Variants in ADGRL3 observed in about 807,000 individuals in gnomAD.
ADGRL3 encodes adhesion G protein-coupled receptor L3.
In ADGRL3, 62 loss-of-function variants were observed where a neutral mutation model predicts 153.5. The observed-to-expected ratio is 0.40, with a 90% CI of 0.33 to 0.50. ADGRL3 has a LOEUF of 0.50. ADGRL3 is among the 20% of genes least tolerant of loss of function. The pLI is 0.47. For synonymous variants in ADGRL3, 710 were observed against 672.5 expected (o/e 1.06, Z -0.86); for missense variants, 1,641 against 1,859.4 (o/e 0.88, Z 2.16).
chr4:61,523,958 A>G (rs1033490502), intron 4 of ADGRL3, among the ~76,000 whole-genome samples: 2 of 152,132 alleles, frequency 1.3e-5, no homozygotes, highest in African/African-American at 2.4e-5. Flanking sequence ...AGTGCTCAAA[A>G]CATTTTGGTT....
chr4:61,392,600 C>T (rs1197300707), intron 2 of ADGRL3, among the ~76,000 whole-genome samples: 2 of 145,296 alleles, frequency 1.4e-5, no homozygotes, highest in Middle Eastern at 3.8e-3. Flanking sequence ...GCAGGAGAAT[C>T]GCTTGAACCC....
intron 15 of ADGRL3, among the ~76,000 whole-genome samples, chr4:61,938,181 A>G (rs2150182941): frequency 6.6e-6 from 1 of 152,360 alleles, no homozygotes. Context: ...ACACCATCCC[A>G]GAAGTGGAAA....
rs775659716 is a variant in ADGRL3, at chr4:61,998,275, T to A, written c.3395+10T>A. On this transcript the variant is annotated intron_variant, in intron 21 of 26. Coordinates refer to ENST00000683033, the MANE Select transcript of ADGRL3 (RefSeq NM_001387552.1). ...GTCTTGATAACATCAAGTAAGTGATTTTTATTTTTGTTTTCTATAGGTTGT... is the reference window on the plus strand; with the variant it reads ...GTCTTGATAACATCAAGTAAGTGATATTTATTTTTGTTTTCTATAGGTTGT... The A allele has an allele frequency of 4.7e-6, 7 of 1,475,258 alleles. No homozygotes were observed. Among genetic ancestry groups the A allele is most frequent in the Admixed American group, 2.1e-5 (1 of 46,706 alleles). The allele number at this position is 1,475,258 out of a possible 1,614,324, so 91.4% of individuals were successfully genotyped here.
chr4:61,953,557 T>C (rs2098955312), intron 17 of ADGRL3, among the ~76,000 whole-genome samples: 1 of 152,184 alleles, frequency 6.6e-6, no homozygotes, highest in African/African-American at 2.4e-5. Context: ...TTCCTAATTG[T>C]CAGATGTATC....
chr4:61,425,609 T>C (rs1199856340), intron 2 of ADGRL3, among the ~76,000 whole-genome samples: 1 of 152,224 alleles, frequency 6.6e-6, no homozygotes, highest in Non-Finnish European at 1.5e-5. Context: ...TAGCTGCCAG[T>C]GGCTTCTGCC....
intron 9 of ADGRL3, among the ~76,000 whole-genome samples, chr4:61,844,321 G>A (rs1375531509): frequency 1.3e-5 from 2 of 151,118 alleles, no homozygotes; most frequent in Non-Finnish European, 2.9e-5. Context: ...GCTGAGGTGG[G>A]TGGATCACCT....
chr4:61,760,313 G>A (rs1038684413), intron 8 of ADGRL3, among the ~76,000 whole-genome samples: 5 of 152,124 alleles, frequency 3.3e-5, no homozygotes, highest in Non-Finnish European at 7.4e-5. Context: ...CACCAAGTTC[G>A]AGCTTCCCAG....
chr4:61,693,699 C>T (rs1258780628), intron 6 of ADGRL3, among the ~76,000 whole-genome samples: 1 of 152,162 alleles, frequency 6.6e-6, no homozygotes. Flanking sequence ...TAGTTTTCAA[C>T]ATTGCCTTCT....
chr4:61,402,439 G>A (rs2096940720), intron 2 of ADGRL3, among the ~76,000 whole-genome samples: 1 of 152,068 alleles, frequency 6.6e-6, no homozygotes, highest in African/African-American at 2.4e-5. Context: ...TCAATAAGTA[G>A]CACTGTTTTA....
At chr4:61,893,838 G>A (rs530691649) in intron 10 of ADGRL3, among the ~76,000 whole-genome samples, 6 of 149,156 alleles carry the variant, frequency 4.0e-5, no homozygotes, top group African/African-American at 1.5e-4. Context: ...CTCCTGAGTA[G>A]CTGGGATTAC....
At chr4:61,755,320 G>A (rs1201724717) in intron 8 of ADGRL3, among the ~76,000 whole-genome samples, 3 of 152,016 alleles carry the variant, frequency 2.0e-5, no homozygotes, top group African/African-American at 7.2e-5. Flanking sequence ...TCTAACTGGT[G>A]TGAGATGGTA....
intron 3 of ADGRL3, among the ~76,000 whole-genome samples, chr4:61,506,440 C>T (rs1435685955): frequency 1.3e-5 from 2 of 152,068 alleles, no homozygotes; most frequent in African/African-American, 4.8e-5. Flanking sequence ...TGAGTCTACA[C>T]GTTTGTACAC....
At chr4:61,588,034 T>C (rs967320618) in intron 5 of ADGRL3, among the ~76,000 whole-genome samples, 7 of 151,810 alleles carry the variant, frequency 4.6e-5, no homozygotes, top group African/African-American at 1.7e-4. Context: ...TATCAGTGGG[T>C]AAGAAATATT....
intron 1 of ADGRL3, among the ~76,000 whole-genome samples, chr4:61,298,260 A>G (rs546598435): frequency 1.3e-5 from 2 of 152,238 alleles, no homozygotes; most frequent in African/African-American, 4.8e-5. Context: ...ATGAAGATAC[A>G]ACTGTCATGA....
chr4:61,796,668 A>G (rs1444232053), intron 8 of ADGRL3, among the ~76,000 whole-genome samples: 1 of 152,044 alleles, frequency 6.6e-6, no homozygotes, highest in Admixed American at 6.6e-5. Context: ...GTTTTGCTTG[A>G]GTTTTTTTCA....
chr4:61,654,823 T>G, intron 5 of ADGRL3, among the ~76,000 whole-genome samples: 1 of 151,836 alleles, frequency 6.6e-6, no homozygotes, highest in African/African-American at 2.4e-5. Context: ...CTTGAACCCA[T>G]GCGGCAGAGG....
intron 8 of ADGRL3, among the ~76,000 whole-genome samples, chr4:61,754,572 G>C (rs77946805): frequency 0.025 from 3,799 of 151,746 alleles, 103 homozygotes; most frequent in East Asian, 0.076. Context: ...CACCCAATGG[G>C]TTCACCTTGC....
chr4:61,282,581 T>C (rs918994315), intron 1 of ADGRL3, among the ~76,000 whole-genome samples: 1 of 151,940 alleles, frequency 6.6e-6, no homozygotes, highest in African/African-American at 2.4e-5. Context: ...ACATTTTGAG[T>C]TTTTTTAGTC....
At chr4:61,481,913 CTAAGA>C (rs2098135684) in intron 2 of ADGRL3, among the ~76,000 whole-genome samples, 1 of 151,994 alleles carries the variant, frequency 6.6e-6, no homozygotes. Context: ...AACAAAATTA[CTAAGA>C]TAAATCTTCA....
Sources: allele counts gnomAD v4.1 joint callset (sites outside exome capture counted in the v4.1 genomes callset), GRCh38; gene constraint gnomAD v4.1.1; transcripts MANE v1.5; gene names NCBI Gene and HGNC (gene_info 2026-07-23, HGNC 2026-07-21).